Variants in POLA1 observed in about 807,000 individuals in gnomAD.
POLA1 encodes the protein DNA polymerase alpha 1, catalytic subunit, also known as DNA polymerase alpha catalytic subunit.
Under a neutral mutation model 124.0 loss-of-function variants are expected in POLA1, and 15 were observed. That is an observed-to-expected ratio of 0.12 (90% CI 0.08 to 0.19). POLA1 has a LOEUF of 0.19. Among genes scored for constraint, POLA1 ranks in the 10% least tolerant of loss-of-function variants. The probability of loss-of-function intolerance (pLI) is 1.00; values close to 1 mark genes in which losing one functional copy is unlikely to be tolerated. For missense variants in POLA1, 886 were observed against 1,103.4 expected, an observed-to-expected ratio of 0.80 and a Z score of 2.79; for synonymous variants, 408 against 389.4, an observed-to-expected ratio of 1.05 and a Z score of -0.56.
chrX:24,870,108 G>A (rs2046845263), intron 34 of POLA1, among the ~76,000 whole-genome samples: 1 of 112,000 alleles, frequency 8.9e-6, no homozygotes, highest in Admixed American at 9.4e-5. Flanking sequence ...AATCCTCTCT[G>A]CTTAGGGAAT....
At chrX:24,932,857 G>A (rs905696184) in intron 36 of POLA1, among the ~76,000 whole-genome samples, 7 of 111,581 alleles carry the variant, frequency 6.3e-5, no homozygotes, top group Non-Finnish European at 1.3e-4. Context: ...ACATGCTCCA[G>A]GCATTTTCAG....
intron 1 of POLA1, among the ~76,000 whole-genome samples, chrX:24,696,965 C>T (rs888952429): frequency 1.8e-5 from 2 of 111,416 alleles, no homozygotes; most frequent in Non-Finnish European, 3.8e-5. Context: ...TGAAATTTGA[C>T]TCCTTTTTCT....
intron 7 of POLA1, 39 bp from the exon 8 acceptor site, chrX:24,716,845 T>C (rs1006625948): frequency 3.5e-5 from 30 of 848,060 alleles, no homozygotes; most frequent in Non-Finnish European, 4.9e-5. Flanking sequence ...ATTTTTAGTA[T>C]GTAGGTCTAA....
chrX:24,752,848 C>T (rs897368443), intron 26 of POLA1, among the ~76,000 whole-genome samples: 2 of 111,262 alleles, frequency 1.8e-5, no homozygotes, highest in African/African-American at 6.5e-5. Context: ...GTTAATTCTT[C>T]TATCGAGTAG....
intron 36 of POLA1, among the ~76,000 whole-genome samples, chrX:24,947,188 C>T (rs1424492301): frequency 9.4e-6 from 1 of 106,522 alleles, no homozygotes; most frequent in Non-Finnish European, 1.9e-5. Flanking sequence ...CAGGCACACT[C>T]CTTGCCCTCC....
intron 35 of POLA1, among the ~76,000 whole-genome samples, chrX:24,914,323 T>G (rs2047497591): frequency 9.0e-6 from 1 of 111,045 alleles, no homozygotes; most frequent in Non-Finnish European, 1.9e-5. Context: ...ATGTCCAACA[T>G]TGAGATCATC....
At chrX:24,836,129 G>T (rs909155517) in intron 32 of POLA1, among the ~76,000 whole-genome samples, 1 of 111,843 alleles carries the variant, frequency 8.9e-6, no homozygotes, top group Non-Finnish European at 1.9e-5. Context: ...TACACAAATT[G>T]CGTCTTTGTT....
At chrX:24,928,115 A>G (rs2047721081) in intron 35 of POLA1, among the ~76,000 whole-genome samples, 1 of 112,206 alleles carries the variant, frequency 8.9e-6, no homozygotes, top group African/African-American at 3.2e-5. Flanking sequence ...ATTGCAAAAT[A>G]TGTCAGGAAT....
intron 34 of POLA1, among the ~76,000 whole-genome samples, chrX:24,848,159 G>A (rs2046501279): frequency 8.9e-6 from 1 of 112,347 alleles, no homozygotes; most frequent in South Asian, 3.7e-4. Context: ...GGCAAAGAAA[G>A]TGGATGCCTA....
intron 4 of POLA1, among the ~76,000 whole-genome samples, chrX:24,709,372 G>A (rs1458218856): frequency 2.0e-5 from 2 of 98,324 alleles, no homozygotes; most frequent in African/African-American, 3.8e-5. Context: ...CGGACAGCAC[G>A]GCTGGCCAGG....
chrX:24,962,068 T>C (rs1018527272), intron 36 of POLA1, among the ~76,000 whole-genome samples: 1 of 111,588 alleles, frequency 9.0e-6, no homozygotes, highest in Non-Finnish European at 1.9e-5. Context: ...TGCATCTTTA[T>C]ATATATATTA....
chrX:24,824,136 G>C (rs1053984372), intron 31 of POLA1, among the ~76,000 whole-genome samples: 5 of 111,770 alleles, frequency 4.5e-5, no homozygotes, highest in African/African-American at 1.6e-4. Context: ...TTGTCTCTCT[G>C]AAGTATGTAC....
At chrX:24,876,168 G>A (rs1483593108) in intron 34 of POLA1, among the ~76,000 whole-genome samples, 3 of 112,119 alleles carry the variant, frequency 2.7e-5, no homozygotes, top group Non-Finnish European at 5.6e-5. Flanking sequence ...GGATCTCTGA[G>A]TATAAAGTGG....
intron 36 of POLA1, among the ~76,000 whole-genome samples, chrX:24,978,688 G>A (rs1276581187): frequency 2.7e-5 from 3 of 112,026 alleles, no homozygotes; most frequent in Non-Finnish European, 5.6e-5. Flanking sequence ...AGGTAACATA[G>A]CAAGTTAATG....
Position 24,841,829 on chromosome X carries a change from C to T in POLA1, c.3914C>T (p.Ser1305Leu), listed in dbSNP as rs756257603. The change falls in exon 33 of 37, where the codon TCG becomes TTG. Residue 1305 changes from serine (S) to leucine (L), a missense_variant and splice_region_variant. Ser to Leu is a moderately radical substitution (Grantham distance 145, BLOSUM62 -2). Around this residue, in one of 7 missense-constraint regions of POLA1, gnomAD observed 313 missense variants for 359.7 expected, o/e 0.87. Coordinates refer to ENST00000379068, the MANE Select transcript of POLA1 (RefSeq NM_001330360.2). ...ATTTATGATAATGTCTTTGATGGTT[C>T]GGTTAGTTGTTTCTGTCTTTCATTT... ...ENIYDNVFDG[S>L]GTDMEPSLYR... 13 of 1,184,818 alleles carry T rather than the reference C, an allele frequency of 1.1e-5. No homozygotes were observed. The highest frequency in any genetic ancestry group is 1.8e-5 in the South Asian group (1 of 54,684).
At chrX:24,934,603 T>C (rs2047825171) in intron 36 of POLA1, among the ~76,000 whole-genome samples, 1 of 112,500 alleles carries the variant, frequency 8.9e-6, no homozygotes, top group Non-Finnish European at 1.9e-5. Context: ...AATAGTAAGA[T>C]GGTGTATTCA....
Position 24,699,415 on chromosome X carries a change from CT to C in POLA1, c.44-4del. The C allele has an allele frequency of 8.9e-7, 1 of 1,128,056 alleles. No homozygotes were observed. Among genetic ancestry groups the C allele is most frequent in the Non-Finnish European group, 1.2e-6 (1 of 851,545 alleles). The allele number at this position is 1,128,056 out of a possible 1,213,427, so 93.0% of individuals were successfully genotyped here. ...GTAACATCTGTTGTAAATTTTTTTT[CT>C]TTTTTCAGCTCTGTCAGATTCAGGG... On this transcript the variant is annotated splice_polypyrimidine_tract_variant and intron_variant, in intron 1 of 36. Coordinates refer to ENST00000379068, the MANE Select transcript of POLA1 (RefSeq NM_001330360.2).
chrX:24,952,343 T>C (rs995642814), intron 36 of POLA1, among the ~76,000 whole-genome samples: 4 of 112,175 alleles, frequency 3.6e-5, no homozygotes, highest in Non-Finnish European at 7.5e-5. Flanking sequence ...CCAAATCTGT[T>C]AGCTGCAGAA....
chrX:24,811,804 A>G (rs1056903697), intron 28 of POLA1, among the ~76,000 whole-genome samples: 1 of 112,074 alleles, frequency 8.9e-6, no homozygotes, highest in Non-Finnish European at 1.9e-5. Flanking sequence ...ACATACATAC[A>G]TATACACTCA....
Sources: allele counts gnomAD v4.1 joint callset (sites outside exome capture counted in the v4.1 genomes callset), GRCh38; gene constraint gnomAD v4.1.1; regional missense constraint gnomAD v4.1.1; transcripts MANE v1.5; gene names NCBI Gene and HGNC (gene_info 2026-07-23, HGNC 2026-07-21).